The following SLC19A1 variants were observed in gnomAD, a reference collection of about 807,000 sequenced individuals.
SLC19A1 encodes the protein solute carrier family 19 member 1.
A neutral mutation model predicts 35.3 loss-of-function variants in SLC19A1; 37 were observed. The ratio of observed to expected loss-of-function variants is 1.05; its 90% CI spans 0.81 to 1.38. The LOEUF is 1.38. SLC19A1 is among the 40% of genes most tolerant of loss of function. The pLI is 0.00. For synonymous variants in SLC19A1, 460 were observed against 398.5 expected, an observed-to-expected ratio of 1.15 and a Z score of -1.84; for missense variants, 831 against 826.9, an observed-to-expected ratio of 1.00 and a Z score of -0.06.
At chr21:45,509,814 A>G (rs1481930323), downstream of SLC19A1, among the ~76,000 whole-genome samples, 1 of 152,162 alleles carries the variant, frequency 6.6e-6, no homozygotes, top group Non-Finnish European at 1.5e-5. Context: ...CCGCTGTCAC[A>G]TCCTTGAGGA....
chr21:45,562,938 G>C lies in SLC19A1; in HGVS notation c.-246C>G, dbSNP rs551540180. On this transcript the variant is annotated 5_prime_UTR_variant, in exon 1 of 6. Coordinates refer to the SLC19A1 transcript ENST00000650808. ...ACAGTCCGTGGAAGATCCTCCTCCGGTATCTACGTGTGTACGGATCTGTGC... is the reference window on the plus strand; with the variant it reads ...ACAGTCCGTGGAAGATCCTCCTCCGCTATCTACGTGTGTACGGATCTGTGC... Among the ~76,000 whole-genome samples, 81 of 152,346 alleles carry C rather than the reference G, an allele frequency of 5.3e-4. No individual in the cohort carries two copies. The South Asian group carries it at 6.0e-3, about 11-fold the overall frequency.
At chr21:45,520,626 T>C (rs758654109) in intron 5 of SLC19A1, among the ~76,000 whole-genome samples, 18 of 152,212 alleles carry the variant, frequency 1.2e-4, no homozygotes, top group Non-Finnish European at 2.2e-4. Flanking sequence ...TAACCCACAA[T>C]GTCACTGCAT....
chr21:45,511,171 C>A (rs1365684964), downstream of SLC19A1: 21 of 1,601,874 alleles, frequency 1.3e-5, no homozygotes, highest in Non-Finnish European at 1.6e-5. Context: ...TCCGCTGAAG[C>A]CCGGGGCACG....
At chr21:45,505,477 G>C in intron 3 of SLC19A1, 1 of 1,003,808 alleles carries the variant, frequency 1.0e-6, no homozygotes. Context: ...CCGTGCCCTG[G>C]CTGGTTCTGC....
At position 45,515,392 on chromosome 21, in the gene SLC19A1, G is replaced by A; in HGVS notation, c.*266C>T. Reference sequence around the variant, plus strand: ...AAGGGGCATGAGCCAGTGAGGCCTGGTGGACGCAGAAGCCCACCACCCACC... The same window carrying A: ...AAGGGGCATGAGCCAGTGAGGCCTGATGGACGCAGAAGCCCACCACCCACC... On this transcript the variant is annotated 3_prime_UTR_variant, in exon 6 of 6. Coordinates refer to ENST00000311124, the MANE Select transcript of SLC19A1 (RefSeq NM_194255.4). The A allele has an allele frequency of 7.0e-7, 1 of 1,435,960 alleles. No individual in the cohort carries two copies. The highest frequency in any genetic ancestry group is 9.1e-7 in the Non-Finnish European group (1 of 1,103,504). 89.0% of individuals were successfully genotyped at this position (1,435,960 alleles called of 1,614,324 possible).
At chr21:45,522,949 T>C (rs1330972742) in intron 5 of SLC19A1, among the ~76,000 whole-genome samples, 4 of 152,144 alleles carry the variant, frequency 2.6e-5, no homozygotes, top group Admixed American at 6.5e-5. Flanking sequence ...GCTACAGAAC[T>C]GTAAGACGTG....
downstream of SLC19A1, chr21:45,511,190 C>A: frequency 6.3e-7 from 1 of 1,598,296 alleles, no homozygotes. Context: ...CGCATCTTCT[C>A]CTTTGACGGC....
chr21:45,510,936 A>G (rs1214803521), downstream of SLC19A1, among the ~76,000 whole-genome samples: 1 of 92,658 alleles, frequency 1.1e-5, no homozygotes, highest in Non-Finnish European at 2.2e-5. Flanking sequence ...ACCCCCCAAA[A>G]AAACACACAC....
Position 45,530,942 on chromosome 21 carries a change from C to T in SLC19A1, c.979G>A (p.Val327Met), listed in dbSNP as rs934095197. 5 of 1,445,030 alleles carry T rather than the reference C, an allele frequency of 3.5e-6. No homozygotes were observed. Among genetic ancestry groups the T allele is most frequent in the Non-Finnish European group, 4.5e-6 (5 of 1,100,256 alleles). The allele number at this position is 1,445,030 out of a possible 1,614,324, so 89.5% of individuals were successfully genotyped here. ...GACCAGCGCGCCCAGCGGATCTTCA[C>T]GAAGCCCGCGGCGAAGGACGTGATG... ...GAITSFAAGF[V>M]KIRWARWSKL... is the part of the protein sequence containing the mutation. Residue 327 changes from valine to methionine, a missense_variant, in exon 4 of 6, where the codon GTG (valine) becomes ATG (methionine). Val to Met is a conservative substitution (Grantham distance 21, BLOSUM62 1). Coordinates refer to ENST00000311124, the MANE Select transcript of SLC19A1 (RefSeq NM_194255.4). The surrounding 1 kb of genome is among the most constrained non-coding windows in gnomAD (Gnocchi z 5.3).
chr21:45,520,334 T>C (rs956156925), intron 5 of SLC19A1, among the ~76,000 whole-genome samples: 2 of 151,858 alleles, frequency 1.3e-5, no homozygotes, highest in African/African-American at 4.8e-5. Context: ...TTCCAGCCAG[T>C]GCACTAAGTC....
At chr21:45,562,615 A>G (rs2078626008) in intron 1 of SLC19A1, among the ~76,000 whole-genome samples, 2 of 152,206 alleles carry the variant, frequency 1.3e-5, no homozygotes, top group African/African-American at 4.8e-5. Context: ...AGGATGCAGC[A>G]CAGGGAAAAG....
At chr21:45,547,914 C>G (rs1199215894), upstream of SLC19A1, among the ~76,000 whole-genome samples, 1 of 152,176 alleles carries the variant, frequency 6.6e-6, no homozygotes, top group Non-Finnish European at 1.5e-5. Context: ...AACATTCTCC[C>G]CAAATTGATC....
chr21:45,549,536 C>A (rs776061988), intron 1 of SLC19A1, among the ~76,000 whole-genome samples: 2 of 149,100 alleles, frequency 1.3e-5, no homozygotes, highest in Admixed American at 1.3e-4. Context: ...CAAGCCCTCT[C>A]GTGTCTCTTG....
rs2146172984 is a variant in SLC19A1 at position 45,513,972 on chromosome 21, G to T, written c.*1686C>A. On this transcript the variant is annotated 3_prime_UTR_variant, in exon 6 of 6. Transcript: ENST00000311124. ...TGTGGACACACACCAACACTCTTAG[G>T]TCTCTCCTCACAGCAGGACCTGACT... The T allele has an allele frequency of 6.6e-6, 1 of 152,470 alleles. No homozygotes were observed. Among genetic ancestry groups the T allele is most frequent in the East Asian group, 1.9e-4 (1 of 5,188 alleles). 9.4% of individuals were successfully genotyped at this position (152,470 alleles called of 1,614,324 possible). A position where few individuals can be genotyped will look rare whatever the true frequency, so the allele number is the denominator to read the frequency against.
rs553162847 is a variant in SLC19A1 at position 45,515,586 on chromosome 21, C to T, written c.*72G>A. On this transcript the variant is annotated 3_prime_UTR_variant, in exon 6 of 6. Coordinates refer to ENST00000311124, the MANE Select transcript of SLC19A1 (RefSeq NM_194255.4). ...CGGAGGCCCCCATTGCTAAGGCAGGCGGCCCTCGAGGCAGGGGTCGTGGGG... is the reference window on the plus strand; with the variant it reads ...CGGAGGCCCCCATTGCTAAGGCAGGTGGCCCTCGAGGCAGGGGTCGTGGGG... 1.3e-4 allele frequency: 208 copies of T among 1,589,178 alleles called. No homozygotes were observed. Among genetic ancestry groups the T allele is most frequent in the Middle Eastern group, 3.7e-4 (2 of 5,394 alleles).
chr21:45,516,082 A>G lies in SLC19A1; in HGVS notation c.1352T>C (p.Met451Thr), dbSNP rs1568969907. Residue 451 changes from methionine to threonine, a missense_variant, in exon 6 of 6, where the codon ATG becomes ACG. Physicochemically the swap from Met to Thr is moderately conservative, Grantham distance 81. Transcript: ENST00000311124. ...CTGGCAGTGCCGCAGGCCATCCAGC[A>G]TGGCCCCCAAGAAGTAGATGATGGA... is the stretch of plus-strand genomic sequence containing the variant. ...ILSIIYFLGA[M>T]LDGLRHCQRG... is the part of the protein sequence containing the mutation. 2.5e-6 allele frequency: 4 copies of G among 1,600,836 alleles called. No individual in the cohort carries two copies. Among genetic ancestry groups the G allele is most frequent in the Non-Finnish European group, 3.4e-6 (4 of 1,175,408 alleles).
intron 3 of SLC19A1, chr21:45,504,998 C>T (rs1212868559): frequency 1.6e-5 from 18 of 1,101,192 alleles, no homozygotes; most frequent in South Asian, 8.1e-5. Flanking sequence ...CAGGCTATGG[C>T]GTGGGCAGGG....
rs748469784 is a variant in SLC19A1 at position 45,505,125 on chromosome 21, C to T, written c.498-6513G>A. 3.0e-5 allele frequency: 49 copies of T among 1,607,508 alleles called. No homozygotes were observed. The highest frequency in any genetic ancestry group is 2.9e-4 in the Admixed American group (17 of 59,640). Reference sequence around the variant, plus strand: ...GTAACCAGGAAGCGTCTCTTGTCGCCGTCCGTAGGGTCCCAAGGGAGAGAG... The same window carrying T: ...GTAACCAGGAAGCGTCTCTTGTCGCTGTCCGTAGGGTCCCAAGGGAGAGAG... On this transcript the variant is annotated intron_variant, in intron 3 of 4. Transcript: ENST00000417954.
At chr21:45,505,480 G>A in intron 3 of SLC19A1, 4 of 971,154 alleles carry the variant, frequency 4.1e-6, no homozygotes, top group Non-Finnish European at 4.8e-6. Flanking sequence ...TGCCCTGGCT[G>A]GTTCTGCAGC....
Sources: gnomAD v4.1 joint callset for allele counts (sites outside exome capture counted in the v4.1 genomes callset) on GRCh38, gnomAD v4.1.1 for gene constraint, Gnocchi (gnomAD v3.1) non-coding constraint, MANE v1.5 for transcripts, NCBI Gene and HGNC (gene_info 2026-07-23, HGNC 2026-07-21) for gene names.